The following MRPS31 variants were observed in gnomAD, a reference collection of about 807,000 sequenced individuals.
MRPS31 encodes the protein small ribosomal subunit protein mS31.
Under a neutral mutation model 43.1 loss-of-function variants are expected in MRPS31, and 32 were observed. That is an observed-to-expected ratio of 0.74 (90% CI 0.56 to 1.00). MRPS31 has a LOEUF of 1.00. MRPS31 is among the 50% of genes least tolerant of loss of function. The pLI is 0.00. For missense variants in MRPS31, 437 were observed against 466.7 expected (o/e 0.94, Z 0.59); for synonymous variants, 165 against 161.6 (o/e 1.02, Z -0.16).
At chr13:40,756,776 A>G in intron 4 of MRPS31, 97 bp downstream of exon 4, 2 of 1,330,160 alleles carry the variant, frequency 1.5e-6, no homozygotes, top group Non-Finnish European at 2.1e-6. Flanking sequence ...TCAGATATCC[A>G]ACAGCAATAA....
chr13:40,740,858 G>C (rs1255729145), intron 6 of MRPS31, among the ~76,000 whole-genome samples: 4 of 149,386 alleles, frequency 2.7e-5, no homozygotes, highest in Non-Finnish European at 3.0e-5. Flanking sequence ...AGTGGGTGCA[G>C]CACACCAGCA....
chr13:40,757,488 A>G (rs1593276094), intron 3 of MRPS31, among the ~76,000 whole-genome samples: 1 of 115,632 alleles, frequency 8.6e-6, no homozygotes, highest in African/African-American at 3.5e-5. Flanking sequence ...TCTGTTGCCC[A>G]GGTTGGAGTG....
chr13:40,758,109 C>T (rs531684098), intron 3 of MRPS31, among the ~76,000 whole-genome samples: 135 of 150,320 alleles, frequency 9.0e-4, no homozygotes, highest in African/African-American at 3.1e-3. Flanking sequence ...CGCCACTGCA[C>T]TCCAACCTGG....
intron 5 of MRPS31, among the ~76,000 whole-genome samples, chr13:40,751,401 G>A (rs1880386884): frequency 1.3e-5 from 2 of 152,174 alleles, no homozygotes; most frequent in African/African-American, 4.8e-5. Flanking sequence ...TAATCTTTGA[G>A]ATGTATGTAG....
intron 6 of MRPS31, among the ~76,000 whole-genome samples, chr13:40,734,582 A>G (rs1318496779): frequency 3.3e-5 from 5 of 152,208 alleles, no homozygotes; most frequent in African/African-American, 1.2e-4. Flanking sequence ...GAAAGAATAT[A>G]TAGTAATTTT....
At position 40,758,932 on chromosome 13, in the gene MRPS31, G is replaced by A; in HGVS notation, c.599+16C>T. ...GAGATATAAACATTACTGACTTAAGGGTTTGATTCACTCACCTAATTTTAG... is the reference window on the plus strand; with the variant it reads ...GAGATATAAACATTACTGACTTAAGAGTTTGATTCACTCACCTAATTTTAG... On this transcript the variant is annotated intron_variant, in intron 3 of 6. Transcript: ENST00000323563. 6.4e-7 allele frequency: 1 copy of A among 1,555,306 alleles called. No individual in the cohort carries two copies. The highest frequency in any genetic ancestry group is 8.7e-7 in the Non-Finnish European group (1 of 1,153,730).
At chr13:40,761,961 G>T (rs1264602753) in intron 2 of MRPS31, among the ~76,000 whole-genome samples, 1 of 151,170 alleles carries the variant, frequency 6.6e-6, no homozygotes, top group Non-Finnish European at 1.5e-5. Context: ...AAAATAAACA[G>T]CTGGGCATGG....
chr13:40,764,401 T>C (rs1248193389), intron 2 of MRPS31, among the ~76,000 whole-genome samples: 1 of 152,196 alleles, frequency 6.6e-6, no homozygotes, highest in Non-Finnish European at 1.5e-5. Flanking sequence ...GTTGAATCTG[T>C]GGATACAGAA....
At chr13:40,758,004 A>G (rs1292255296) in intron 3 of MRPS31, among the ~76,000 whole-genome samples, 1 of 151,680 alleles carries the variant, frequency 6.6e-6, no homozygotes, top group South Asian at 2.1e-4. Context: ...TTAGCCGGGC[A>G]TGGTGGCGGG....
intron 6 of MRPS31, among the ~76,000 whole-genome samples, chr13:40,730,351 A>G (rs1453841456): frequency 6.6e-6 from 1 of 151,680 alleles, no homozygotes; most frequent in Non-Finnish European, 1.5e-5. Context: ...GTGAAACCCT[A>G]TCTCCACTAA....
chr13:40,748,688 G>A (rs1406346838), intron 6 of MRPS31, among the ~76,000 whole-genome samples: 1 of 152,156 alleles, frequency 6.6e-6, no homozygotes, highest in African/African-American at 2.4e-5. Flanking sequence ...ACTTTCACTG[G>A]CTCATACAAG....
intron 3 of MRPS31, among the ~76,000 whole-genome samples, chr13:40,757,928 G>A (rs1880579447): frequency 1.3e-5 from 2 of 150,448 alleles, no homozygotes; most frequent in Non-Finnish European, 3.0e-5. Context: ...AGATCACAAG[G>A]TCAGGAGATC....
At chr13:40,769,412 ATATATATATTATC>A (rs1880944819) in intron 1 of MRPS31, among the ~76,000 whole-genome samples, 1 of 101,064 alleles carries the variant, frequency 9.9e-6, no homozygotes, top group African/African-American at 4.4e-5. Flanking sequence ...ATATATATAT[ATATATATATTATC>A]AAGTTCTCAA....
rs1593447383 is a variant in MRPS31, at chr13:40,749,631, T to C, written c.815-350A>G. 4 of 157,782 alleles carry C rather than the reference T, an allele frequency of 2.5e-5. 1 individual carries two copies. In the South Asian group the frequency reaches 8.1e-4, roughly 32 times the overall value. The allele number at this position is 157,782 out of a possible 1,614,324, so 9.8% of individuals were successfully genotyped here. On this transcript the variant is annotated intron_variant, in intron 5 of 6. Transcript: ENST00000323563. ...TAAAGTCTAGCCTGTTTATCTTTAT[T>C]TTTAGTCTATCGAAATTAGTCACAA...
At chr13:40,731,793 G>A (rs1342907954) in intron 6 of MRPS31, among the ~76,000 whole-genome samples, 1 of 152,124 alleles carries the variant, frequency 6.6e-6, no homozygotes, top group African/African-American at 2.4e-5. Flanking sequence ...AAAAAGGACG[G>A]TTAATGTTAT....
At chr13:40,758,802 A>ATTTTTTTTTT in intron 3 of MRPS31, 146 bp downstream of exon 3, 1 of 742,456 alleles carries the variant, frequency 1.3e-6, no homozygotes. Flanking sequence ...AGTTTTTTAA[A>ATTTTTTTTTT]AAGTTGAATT....
rs567091464 is a variant in MRPS31 at position 40,746,794 on chromosome 13, T to C, written c.958+2344A>G. Reference sequence around the variant, plus strand: ...AAAAATAAAATGTTACAGTATACAATGGAAAACAGTTACAGAAGCAAACCC... The same window carrying C: ...AAAAATAAAATGTTACAGTATACAACGGAAAACAGTTACAGAAGCAAACCC... On this transcript the variant is annotated intron_variant, in intron 6 of 6. Coordinates refer to ENST00000323563, the MANE Select transcript of MRPS31 (RefSeq NM_005830.4). Among the ~76,000 whole-genome samples, 29 of 152,328 alleles carry C rather than the reference T, an allele frequency of 1.9e-4. 1 individual carries two copies. Among genetic ancestry groups the C allele is most frequent in the African/African-American group, 6.0e-4 (25 of 41,574 alleles).
At chr13:40,759,175 T>A in intron 2 of MRPS31, 69 bp from the exon 3 acceptor site, 1 of 1,265,898 alleles carries the variant, frequency 7.9e-7, no homozygotes, top group Non-Finnish European at 1.1e-6. Context: ...CGGTGGCTCA[T>A]GCCTGTAATT....
At chr13:40,754,944 G>A (rs563822594) in intron 4 of MRPS31, among the ~76,000 whole-genome samples, 2 of 152,344 alleles carry the variant, frequency 1.3e-5, no homozygotes, top group East Asian at 3.9e-4. Flanking sequence ...TAAGGCAGGA[G>A]AATCCCTTGA....
Sources: allele counts gnomAD v4.1 joint callset (sites outside exome capture counted in the v4.1 genomes callset), GRCh38; gene constraint gnomAD v4.1.1; transcripts MANE v1.5; gene names NCBI Gene and HGNC (gene_info 2026-07-23, HGNC 2026-07-21).